Variants in ATP8A2 observed in about 807,000 individuals in gnomAD.
ATP8A2 encodes phospholipid-transporting ATPase IB.
A neutral mutation model predicts 165.6 loss-of-function variants in ATP8A2; 100 were observed. The ratio of observed to expected loss-of-function variants is 0.60; its 90% CI spans 0.51 to 0.71. The LOEUF is 0.71. Ranked by LOEUF, ATP8A2 falls within the 30% of genes least tolerant of loss-of-function variation. The pLI, the probability that ATP8A2 is intolerant of heterozygous loss-of-function variation, is 0.00. For synonymous variants in ATP8A2, 543 were observed against 548.8 expected (o/e 0.99, Z 0.15); for missense variants, 1,227 against 1,479.5 (o/e 0.83, Z 2.80).
intron 24 of ATP8A2, among the ~76,000 whole-genome samples, chr13:25,664,861 T>C (rs976790292): frequency 6.6e-6 from 1 of 151,878 alleles, no homozygotes; most frequent in Admixed American, 6.5e-5. Context: ...ACTGATTTTC[T>C]TGAATGCGAG....
intron 6 of ATP8A2, chr13:25,534,165 CTTTACT>C (rs1346883733): frequency 9.4e-6 from 5 of 532,002 alleles, no homozygotes; most frequent in Non-Finnish European, 1.9e-5. Context: ...TTTCGTTTTA[CTTTACT>C]TTGTTTTAGG....
intron 35 of ATP8A2, among the ~76,000 whole-genome samples, chr13:25,977,707 G>C (rs1956087888): frequency 6.6e-6 from 1 of 152,168 alleles, no homozygotes; most frequent in Admixed American, 6.5e-5. Flanking sequence ...TTAAATACCA[G>C]ATGTCATTTA....
At chr13:25,471,109 A>G (rs1027690014) in intron 2 of ATP8A2, among the ~76,000 whole-genome samples, 10 of 152,286 alleles carry the variant, frequency 6.6e-5, no homozygotes, top group African/African-American at 1.9e-4. Context: ...ACCTTCTCGC[A>G]TGTGTTTCTA....
chr13:26,019,059 A>T (rs960194876), intron 36 of ATP8A2, among the ~76,000 whole-genome samples: 1 of 152,188 alleles, frequency 6.6e-6, no homozygotes, highest in Non-Finnish European at 1.5e-5. Flanking sequence ...ACATGGAAAC[A>T]ACCCTACTTT....
intron 1 of ATP8A2, among the ~76,000 whole-genome samples, chr13:25,457,103 C>T (rs2035384603): frequency 6.6e-6 from 1 of 152,220 alleles, no homozygotes; most frequent in Non-Finnish European, 1.5e-5. Flanking sequence ...GACAAGCTTG[C>T]TCTAGAATAC....
chr13:25,579,279 T>A (rs1490382819), intron 21 of ATP8A2, among the ~76,000 whole-genome samples: 1 of 152,228 alleles, frequency 6.6e-6, no homozygotes, highest in African/African-American at 2.4e-5. Flanking sequence ...TCTGGAAGGC[T>A]ATAAACAACA....
chr13:25,624,677 G>T (rs2041058157), intron 24 of ATP8A2, among the ~76,000 whole-genome samples: 1 of 152,158 alleles, frequency 6.6e-6, no homozygotes, highest in Admixed American at 6.5e-5. Flanking sequence ...AATCAAGTTA[G>T]TGATTTGCTA....
intron 33 of ATP8A2, among the ~76,000 whole-genome samples, chr13:25,960,777 T>C (rs1814452168): frequency 6.6e-6 from 1 of 152,168 alleles, no homozygotes; most frequent in African/African-American, 2.4e-5. Context: ...GCCCTGCAGC[T>C]CTGATCCCCA....
Position 25,468,949 on chromosome 13 carries a change from A to G in ATP8A2, c.77-28A>G, listed in dbSNP as rs376409652. On this transcript the variant is annotated intron_variant, in intron 1 of 36. Coordinates refer to ENST00000381655, the MANE Select transcript of ATP8A2 (RefSeq NM_016529.6). ...CTGGCGGTTGACTTCTTTGTGTCGT[A>G]TTCTCTGCCTGCGCCCTGTCTCTGC... 2.4e-5 allele frequency: 38 copies of G among 1,611,608 alleles called. 1 individual carries two copies. The highest frequency in any genetic ancestry group is 5.5e-5 in the South Asian group (5 of 90,946).
rs192797998 is a variant in ATP8A2 at position 25,758,811 on chromosome 13, A to G, written c.2385-10235A>G. Among the ~76,000 whole-genome samples, 163 of 152,302 alleles carry G rather than the reference A, an allele frequency of 1.1e-3. 1 individual carries two copies. Among genetic ancestry groups the G allele is most frequent in the Admixed American group, 1.8e-3 (28 of 15,300 alleles). ...GTTTTTTTAAAACAGTTTTACACATATAACCATGAAAAAGTAAAGCATTAT... is the reference window on the plus strand; with the variant it reads ...GTTTTTTTAAAACAGTTTTACACATGTAACCATGAAAAAGTAAAGCATTAT... On this transcript the variant is annotated intron_variant, in intron 25 of 36. Transcript: ENST00000381655.
rs544363114 is a variant in ATP8A2 at position 25,885,580 on chromosome 13, G to A, written c.3183+23172G>A. ...TGCCCAGCTCATCTGCAGAGCCCCC[G>A]GGGTTGGCGACTGCAGCAGTCTCAG... On this transcript the variant is annotated intron_variant, in intron 33 of 36. Coordinates refer to ENST00000381655, the MANE Select transcript of ATP8A2 (RefSeq NM_016529.6). Among the ~76,000 whole-genome samples the A allele has an allele frequency of 1.4e-4, 22 of 152,256 alleles. No individual in the cohort carries two copies. The East Asian group carries it at 3.7e-3, about 25-fold the overall frequency.
intron 30 of ATP8A2, among the ~76,000 whole-genome samples, chr13:25,853,708 T>G (rs1447966905): frequency 6.6e-6 from 1 of 152,150 alleles, no homozygotes; most frequent in Non-Finnish European, 1.5e-5. Context: ...AGCACATAGA[T>G]CATTGCTCTT....
chr13:25,376,382 GT>G (rs1157945612), intron 1 of ATP8A2, among the ~76,000 whole-genome samples: 1 of 152,238 alleles, frequency 6.6e-6, no homozygotes, highest in Non-Finnish European at 1.5e-5. Flanking sequence ...GTCATGGGCA[GT>G]TTTTGGACTT....
chr13:25,630,202 T>TTTGGTTTTATGTGGTACAGGGTACAG (rs2041207165), intron 24 of ATP8A2, among the ~76,000 whole-genome samples: 3 of 152,286 alleles, frequency 2.0e-5, no homozygotes, highest in Non-Finnish European at 2.9e-5. Flanking sequence ...CAAAGCTAGG[T>TTTGGTTTTATGTGGTACAGGGTACAG]GGTACAGGGA....
chr13:25,518,406 T>G (rs1162390438), intron 2 of ATP8A2, among the ~76,000 whole-genome samples: 1 of 152,244 alleles, frequency 6.6e-6, no homozygotes, highest in East Asian at 1.9e-4. Context: ...GAACGCTTAC[T>G]GTATGTTGGG....
At chr13:25,623,336 T>C (rs2137468228) in intron 24 of ATP8A2, among the ~76,000 whole-genome samples, 1 of 152,130 alleles carries the variant, frequency 6.6e-6, no homozygotes, top group East Asian at 1.9e-4. Context: ...TTTGAGGTTG[T>C]AGTGAGCTAT....
chr13:25,774,825 A>C (rs777852341), intron 26 of ATP8A2, 24 bp from the exon 27 acceptor site: 2 of 1,396,320 alleles, frequency 1.4e-6, no homozygotes, highest in South Asian at 2.3e-5. Flanking sequence ...GGCTCTTCTG[A>C]GCTTTGTAAT....
chr13:25,426,679 A>G (rs1448297973), intron 1 of ATP8A2, among the ~76,000 whole-genome samples: 1 of 152,120 alleles, frequency 6.6e-6, no homozygotes. Context: ...ACGGTGGCTC[A>G]TGCCTGTAAT....
intron 1 of ATP8A2, among the ~76,000 whole-genome samples, chr13:25,378,987 A>C (rs2032741122): frequency 6.6e-6 from 1 of 152,348 alleles, no homozygotes; most frequent in African/African-American, 2.4e-5. Context: ...TTCTATATGC[A>C]TATTTGTATA....
Sources: allele counts gnomAD v4.1 joint callset (sites outside exome capture counted in the v4.1 genomes callset), GRCh38; gene constraint gnomAD v4.1.1; transcripts MANE v1.5; gene names NCBI Gene and HGNC (gene_info 2026-07-23, HGNC 2026-07-21).